Variants in SVOPL observed in about 807,000 individuals in gnomAD.
SVOPL encodes SVOP like.
Under a neutral mutation model 61.0 loss-of-function variants are expected in SVOPL, and 60 were observed. That is an observed-to-expected ratio of 0.98 (90% CI 0.80 to 1.22). The LOEUF (loss-of-function observed/expected upper bound fraction) is 1.22, where lower values mean the gene tolerates loss of function less well. SVOPL is among the 50% of genes most tolerant of loss of function. The pLI, the probability that SVOPL is intolerant of heterozygous loss-of-function variation, is 0.00. For missense variants in SVOPL, 662 were observed against 643.9 expected (o/e 1.03, Z -0.30); for synonymous variants, 279 against 250.0 (o/e 1.12, Z -1.09).
intron 3 of SVOPL, among the ~76,000 whole-genome samples, chr7:138,673,045 A>G (rs530469944): frequency 6.6e-6 from 1 of 152,174 alleles, no homozygotes; most frequent in African/African-American, 2.4e-5. Flanking sequence ...AGGGAAGAAC[A>G]CTGACATCAT....
At chr7:138,698,992 A>G (rs528638426) in intron 1 of SVOPL, among the ~76,000 whole-genome samples, 11 of 152,174 alleles carry the variant, frequency 7.2e-5, no homozygotes, top group Non-Finnish European at 1.5e-4. Context: ...CTCTACTAAA[A>G]ATACAAAAAA....
At chr7:138,681,974 A>C (rs1181646896) in intron 1 of SVOPL, among the ~76,000 whole-genome samples, 1 of 152,230 alleles carries the variant, frequency 6.6e-6, no homozygotes, top group Non-Finnish European at 1.5e-5. Flanking sequence ...TGAAGACCTC[A>C]TTGATCACCT....
At chr7:138,647,413 C>T (rs535562198) in intron 8 of SVOPL, among the ~76,000 whole-genome samples, 1 of 151,630 alleles carries the variant, frequency 6.6e-6, no homozygotes, top group South Asian at 2.1e-4. Context: ...GATGACATGG[C>T]GAGAAGATAG....
rs546917938 is a variant in SVOPL, at chr7:138,643,077, A to G, written c.789+1640T>C. Among the ~76,000 whole-genome samples, 177 of 152,250 alleles carry G rather than the reference A, an allele frequency of 1.2e-3. 1 individual carries two copies. Among genetic ancestry groups the G allele is most frequent in the African/African-American group, 4.1e-3 (171 of 41,542 alleles). On this transcript the variant is annotated intron_variant, in intron 9 of 15. Transcript: ENST00000674285. Reference sequence around the variant, plus strand: ...GTGATTCCTCAAAAAAATTAAACATAGAATTATCACAGGATCCAGCAATTC... The same window carrying G: ...GTGATTCCTCAAAAAAATTAAACATGGAATTATCACAGGATCCAGCAATTC...
intron 4 of SVOPL, among the ~76,000 whole-genome samples, chr7:138,667,688 C>A (rs551452076): frequency 6.6e-6 from 1 of 152,190 alleles, no homozygotes; most frequent in East Asian, 1.9e-4. Context: ...TCCTGAGTCA[C>A]CCGGAAACCT....
intron 14 of SVOPL, among the ~76,000 whole-genome samples, chr7:138,611,944 G>GTC (rs1799051889): frequency 6.7e-5 from 1 of 15,036 alleles, no homozygotes. Context: ...GCGGCTTTGT[G>GTC]GAATAGAAAG....
In SVOPL at chr7:138,679,002, C is replaced by T. The variant is rs758884548; in HGVS notation, c.44G>A (p.Arg15Gln). Reference protein sequence around the residue: ...PTEPVTILSLRKLSLGTAEPQ... With the variant: ...PTEPVTILSLQKLSLGTAEPQ... ...CTCTGCGGTCCCCAGGCTCAATTTCCGAAGGCTGAGGATCGTGACAGGCTC... is the reference window on the plus strand; with the variant it reads ...CTCTGCGGTCCCCAGGCTCAATTTCTGAAGGCTGAGGATCGTGACAGGCTC... Residue 15 changes from arginine (R) to glutamine (Q), a missense_variant, in exon 2 of 16, where the codon CGG (arginine) becomes CAG (glutamine). Transcript: ENST00000674285. 8.7e-5 allele frequency: 135 copies of T among 1,551,492 alleles called. No individual in the cohort carries two copies. In the Middle Eastern group the frequency reaches 2.7e-3, roughly 31 times the overall value.
chr7:138,628,457 G>C (rs531637299), intron 10 of SVOPL, 94 bp from the exon 11 acceptor site: 2 of 1,307,284 alleles, frequency 1.5e-6, no homozygotes, highest in Non-Finnish European at 2.1e-6. Flanking sequence ...GTAGCATGTG[G>C]AAAGCAAAGA....
At chr7:138,661,815 C>A (rs1292275079) in intron 5 of SVOPL, 4 of 973,998 alleles carry the variant, frequency 4.1e-6, no homozygotes, top group Non-Finnish European at 4.9e-6. Flanking sequence ...GTATGACTTC[C>A]GAGCTGCAAT....
intron 7 of SVOPL, among the ~76,000 whole-genome samples, chr7:138,653,846 C>A (rs1801558269): frequency 1.3e-5 from 2 of 150,756 alleles, no homozygotes; most frequent in South Asian, 2.1e-4. Flanking sequence ...GGCAGGAGAA[C>A]CACTTGAATC....
chr7:138,631,076 A>T (rs966992112), intron 9 of SVOPL, among the ~76,000 whole-genome samples: 1 of 152,118 alleles, frequency 6.6e-6, no homozygotes, highest in African/African-American at 2.4e-5. Flanking sequence ...TCTCAGAAAT[A>T]GACCTGGGAT....
At chr7:138,594,690 T>C in intron 15 of SVOPL, 69 bp from the exon 16 acceptor site, 2 of 1,154,950 alleles carry the variant, frequency 1.7e-6, no homozygotes, top group South Asian at 1.9e-5. Context: ...TACTGAGCTA[T>C]CTGATATTTT....
intron 10 of SVOPL, 110 bp downstream of exon 10, chr7:138,629,939 G>T: frequency 1.3e-6 from 1 of 783,752 alleles, no homozygotes; most frequent in Non-Finnish European, 2.2e-6. Context: ...TGTAGTATTT[G>T]GAGTTAGTCT....
intron 12 of SVOPL, among the ~76,000 whole-genome samples, chr7:138,626,326 C>A (rs573762304): frequency 6.6e-6 from 1 of 152,160 alleles, no homozygotes; most frequent in Non-Finnish European, 1.5e-5. Context: ...ACCTGTAATC[C>A]CTGCAGTTTG....
At chr7:138,619,473 A>C (rs1799450119) in intron 14 of SVOPL, among the ~76,000 whole-genome samples, 1 of 150,738 alleles carries the variant, frequency 6.6e-6, no homozygotes, top group African/African-American at 2.4e-5. Flanking sequence ...AATAAGTATT[A>C]AGGAATTTTG....
intron 14 of SVOPL, among the ~76,000 whole-genome samples, chr7:138,600,588 C>A (rs780368283): frequency 6.7e-6 from 1 of 150,126 alleles, no homozygotes; most frequent in Admixed American, 6.6e-5. Flanking sequence ...GGTGACAGAG[C>A]GAGACAGTGT....
chr7:138,635,811 C>T (rs191307842), intron 9 of SVOPL, among the ~76,000 whole-genome samples: 67 of 152,092 alleles, frequency 4.4e-4, no homozygotes, highest in African/African-American at 1.4e-3. Context: ...TGCCATTTAG[C>T]AATCAAGAAA....
At position 138,632,203 on chromosome 7, in the gene SVOPL, T is replaced by C. The variant is rs143361032; in HGVS notation, c.790-2081A>G. 5.6e-3 allele frequency among the ~76,000 whole-genome samples: 848 copies of C among 152,198 alleles called. 10 individuals are homozygous for C. The highest frequency in any genetic ancestry group is 0.019 in the African/African-American group (795 of 41,544). The stretch of plus-strand genomic sequence containing the variant: ...TCCCAGAACTTTGGGAGGCTGAGGC[T>C]GGCAGATCACCTGAGGTCAGGGGTT... On this transcript the variant is annotated intron_variant, in intron 9 of 15. Transcript: ENST00000674285.
rs770404185 is a variant in SVOPL at position 138,615,560 on chromosome 7, C to CAAAAAAAAAAAAAAA, written c.1353+5471_1353+5485dup. 6.3e-3 allele frequency among the ~76,000 whole-genome samples: 35 copies of CAAAAAAAAAAAAAAA among 5,544 alleles called. 6 individuals carry two copies. Among genetic ancestry groups the CAAAAAAAAAAAAAAA allele is most frequent in the African/African-American group, 0.012 (35 of 3,016 alleles). The allele number at this position is 5,544 out of a possible 152,430, so 3.6% of individuals were successfully genotyped here. A position where few individuals can be genotyped will look rare whatever the true frequency, so the allele number is the denominator to read the frequency against. The stretch of plus-strand genomic sequence containing the variant: ...GGGTGACAGAGCGAGACTCCGTCTC[C>CAAAAAAAAAAAAAAA]AAAAAAAAAAAAAAAAAAAAAAAAA... On this transcript the variant is annotated intron_variant, in intron 14 of 15. Transcript: ENST00000674285.
Sources: gnomAD v4.1 joint callset for allele counts (sites outside exome capture counted in the v4.1 genomes callset) on GRCh38, gnomAD v4.1.1 for gene constraint, MANE v1.5 for transcripts, NCBI Gene and HGNC (gene_info 2026-07-23, HGNC 2026-07-21) for gene names.